Variants in MSRB1 observed in about 807,000 individuals in gnomAD.
The protein encoded by MSRB1 is methionine sulfoxide reductase B1.
A neutral mutation model predicts 15.2 loss-of-function variants in MSRB1; 13 were observed. That is an observed-to-expected ratio of 0.86 (90% CI 0.56 to 1.36). The LOEUF is 1.36. MSRB1 is among the 40% of genes most tolerant of loss of function. The probability of loss-of-function intolerance (pLI) is 0.00; values close to 1 mark genes in which losing one functional copy is unlikely to be tolerated. For synonymous variants in MSRB1, 68 were observed against 64.5 expected (o/e 1.05, Z -0.26); for missense variants, 174 against 155.9 (o/e 1.12, Z -0.62).
chr16:1,939,677 G>T (rs2083063121), intron 3 of MSRB1, among the ~76,000 whole-genome samples: 1 of 152,098 alleles, frequency 6.6e-6, no homozygotes, highest in African/African-American at 2.4e-5. Context: ...AAATTGGCTG[G>T]GTGCGGTAGC....
intron 3 of MSRB1, 62 bp from the exon 4 acceptor site, chr16:1,939,205 C>T (rs577796378): frequency 6.4e-7 from 1 of 1,556,416 alleles, no homozygotes; most frequent in South Asian, 1.2e-5. Context: ...GGGCGGAAAG[C>T]CGGGCGCGGG....
At chr16:1,943,057 GC>G in intron 1 of MSRB1, 44 bp downstream of exon 1, 3 of 1,546,848 alleles carry the variant, frequency 1.9e-6, no homozygotes, top group Non-Finnish European at 8.7e-7. Flanking sequence ...GCTAATGCGC[GC>G]CCCCCGCCGC....
Position 1,938,855 on chromosome 16 carries a change from AG to A in MSRB1, c.*256del. 2 of 573,792 alleles carry A rather than the reference AG, an allele frequency of 3.5e-6. No individual in the cohort carries two copies. The highest frequency in any genetic ancestry group is 6.1e-6 in the Non-Finnish European group (2 of 325,834). The allele number at this position is 573,792 out of a possible 1,614,324, so 35.5% of individuals were successfully genotyped here. On this transcript the variant is annotated 3_prime_UTR_variant, in exon 4 of 4. Transcript: ENST00000361871. ...CCTCCTGGAGGCACCTAGAGTGAGC[AG>A]GGGGCTAAGTCAGCCGACAGTGTGG...
At chr16:1,943,022 A>G in intron 1 of MSRB1, 80 bp downstream of exon 1, 1 of 1,524,986 alleles carries the variant, frequency 6.6e-7, no homozygotes, top group Non-Finnish European at 8.9e-7. Context: ...GAGAGACATC[A>G]CCCCCGGACG....
chr16:1,942,596 C>G (rs559109034), intron 1 of MSRB1, among the ~76,000 whole-genome samples: 14 of 152,240 alleles, frequency 9.2e-5, no homozygotes, highest in Non-Finnish European at 1.9e-4. Context: ...CTGAAGGGGA[C>G]ATTCTATGCT....
rs2083055528 is a variant in MSRB1, at chr16:1,938,727, T to A, written c.*385A>T. 3.8e-6 allele frequency: 1 copy of A among 263,828 alleles called. No homozygotes were observed. Among genetic ancestry groups the A allele is most frequent in the Admixed American group, 5.2e-5 (1 of 19,298 alleles). The allele number at this position is 263,828 out of a possible 1,614,324, so 16.3% of individuals were successfully genotyped here. On this transcript the variant is annotated 3_prime_UTR_variant, in exon 4 of 4. Transcript: ENST00000361871. ...GCCTAAGCTTCGGTGAGGACGAGAG[T>A]CTGTCTTGGAATTGGGCCTCACAGG...
chr16:1,941,454 C>T (rs1445954951), intron 1 of MSRB1, 49 bp from the exon 2 acceptor site: 21 of 1,538,730 alleles, frequency 1.4e-5, no homozygotes, highest in South Asian at 2.4e-5. Flanking sequence ...CCCGCCTTTC[C>T]GGGGTCAAGC....
chr16:1,943,083 G>A lies in MSRB1; in HGVS notation c.55+19C>T. ...CCCCCCGCCGCGCTGCCCTCCCAGC[G>A]AGAGGCCGCAGGACCAACCAGGTTC... On this transcript the variant is annotated intron_variant, in intron 1 of 3. Transcript: ENST00000361871. 1 of 1,553,022 alleles carries A rather than the reference G, an allele frequency of 6.4e-7. No individual in the cohort carries two copies. The highest frequency in any genetic ancestry group is 8.7e-7 in the Non-Finnish European group (1 of 1,148,468).
intron 3 of MSRB1, among the ~76,000 whole-genome samples, chr16:1,939,922 C>A (rs1002058565): frequency 1.3e-5 from 2 of 149,788 alleles, no homozygotes; most frequent in Non-Finnish European, 3.0e-5. Flanking sequence ...CATTGCACTC[C>A]AGCCTGGGTG....
At chr16:1,940,952 C>A (rs1212971262) in intron 2 of MSRB1, 60 bp from the exon 3 acceptor site, 1 of 1,610,002 alleles carries the variant, frequency 6.2e-7, no homozygotes, top group Non-Finnish European at 8.5e-7. Context: ...ACAGTGAAGG[C>A]CCTTACTGGG....
intron 1 of MSRB1, 128 bp downstream of exon 1, chr16:1,942,968 TCGCTTC>T (rs2083089182): frequency 7.9e-7 from 1 of 1,265,758 alleles, no homozygotes; most frequent in Non-Finnish European, 1.1e-6. Flanking sequence ...TGACCCCTGT[TCGCTTC>T]TCCCCGGCAG....
At chr16:1,942,171 G>A (rs114001812) in intron 1 of MSRB1, among the ~76,000 whole-genome samples, 90 of 152,356 alleles carry the variant, frequency 5.9e-4, no homozygotes, top group African/African-American at 2.1e-3. Flanking sequence ...GGAGAAAAAA[G>A]CAAAGAGAAG....
At chr16:1,940,238 A>G (rs1299104880) in intron 3 of MSRB1, among the ~76,000 whole-genome samples, 2 of 151,424 alleles carry the variant, frequency 1.3e-5, no homozygotes, top group Admixed American at 1.3e-4. Context: ...GCCACTGCAC[A>G]CCAGCCTGCA....
intron 1 of MSRB1, among the ~76,000 whole-genome samples, chr16:1,942,120 T>G (rs1286923370): frequency 1.3e-5 from 2 of 152,022 alleles, no homozygotes; most frequent in Admixed American, 6.5e-5. Flanking sequence ...GGGGACAGCC[T>G]CCCCTGGAGA....
chr16:1,940,830 C>G lies in MSRB1; in HGVS notation c.267G>C (p.Pro89=), dbSNP rs746717797. 6 of 1,614,144 alleles carry G rather than the reference C, an allele frequency of 3.7e-6. No individual in the cohort carries two copies. Among genetic ancestry groups the G allele is most frequent in the African/African-American group, 1.3e-5 (1 of 75,062 alleles). ...TGAATATTCAGAATCGGGACTGCCC[C>G]GGCTTGGGGCCGTCGTTCAGGAACT... ...GHEFLNDGPK[P]GQSRFUIFSS... Residue 89 remains proline, a synonymous_variant, in exon 3 of 4, where the codon CCG becomes CCC. Transcript: ENST00000361871.
At chr16:1,942,776 T>C (rs994740857) in intron 1 of MSRB1, among the ~76,000 whole-genome samples, 15 of 152,198 alleles carry the variant, frequency 9.9e-5, no homozygotes, top group African/African-American at 3.6e-4. Context: ...GCCATCACTT[T>C]GGAGTGTAGG....
At chr16:1,939,233 G>C in intron 3 of MSRB1, 90 bp from the exon 4 acceptor site, 2 of 1,413,058 alleles carry the variant, frequency 1.4e-6, no homozygotes, top group Non-Finnish European at 1.9e-6. Flanking sequence ...GAAAGCCAGG[G>C]TAGGGGCAGA....
intron 1 of MSRB1, among the ~76,000 whole-genome samples, chr16:1,942,878 G>A (rs144512333): frequency 2.6e-5 from 4 of 152,034 alleles, no homozygotes; most frequent in Non-Finnish European, 5.9e-5. Flanking sequence ...CCCCCTCCAG[G>A]ACGGTGAGCC....
At position 1,942,637 on chromosome 16, in the gene MSRB1, G is replaced by A. The variant is rs189554100; in HGVS notation, c.55+465C>T. The stretch of plus-strand genomic sequence containing the variant: ...GACTCCTCCCAGAGATCCCGGACTC[G>A]GGGGAATGGGAAGGGCCAGGGTAAC... On this transcript the variant is annotated intron_variant, in intron 1 of 3. Coordinates refer to ENST00000361871, the MANE Select transcript of MSRB1 (RefSeq NM_016332.4). 2.2e-3 allele frequency among the ~76,000 whole-genome samples: 328 copies of A among 152,360 alleles called. 3 individuals are homozygous for A. Among genetic ancestry groups the A allele is most frequent in the Admixed American group, 4.6e-3 (70 of 15,308 alleles).
Sources: allele counts gnomAD v4.1 joint callset (sites outside exome capture counted in the v4.1 genomes callset), GRCh38; gene constraint gnomAD v4.1.1; transcripts MANE v1.5; gene names NCBI Gene and HGNC (gene_info 2026-07-23, HGNC 2026-07-21).